The following DMRT1 variants were observed in gnomAD, a reference collection of about 807,000 sequenced individuals.
DMRT1 encodes doublesex and mab-3 related transcription factor 1.
Under a neutral mutation model 32.3 loss-of-function variants are expected in DMRT1, and 7 were observed. The observed-to-expected ratio is 0.22, with a 90% confidence interval of 0.12 to 0.41. The LOEUF (loss-of-function observed/expected upper bound fraction) is 0.41. Ranked by LOEUF, DMRT1 falls within the 10% of genes least tolerant of loss-of-function variation. DMRT1 has a pLI of 1.00. For missense variants in DMRT1, 625 were observed against 500.5 expected (o/e 1.25, Z -2.37); for synonymous variants, 278 against 206.1 (o/e 1.35, Z -2.99).
chr9:865,462 G>T (rs1386726100), intron 2 of DMRT1, among the ~76,000 whole-genome samples: 1 of 151,668 alleles, frequency 6.6e-6, no homozygotes, highest in East Asian at 1.9e-4. Flanking sequence ...AAATATATAT[G>T]ATATATATGA....
intron 4 of DMRT1, among the ~76,000 whole-genome samples, chr9:921,562 A>G (rs537594584): frequency 6.6e-6 from 1 of 152,262 alleles, no homozygotes; most frequent in African/African-American, 2.4e-5. Context: ...TTTGAGGAAC[A>G]TGTTACTGTT....
At chr9:906,807 A>G (rs1817792554) in intron 3 of DMRT1, among the ~76,000 whole-genome samples, 1 of 152,242 alleles carries the variant, frequency 6.6e-6, no homozygotes, top group Non-Finnish European at 1.5e-5. Flanking sequence ...TTCATTTAAA[A>G]TTAGAAAGTT....
chr9:865,156 A>T (rs1428298856), intron 2 of DMRT1, among the ~76,000 whole-genome samples: 1 of 152,176 alleles, frequency 6.6e-6, no homozygotes, highest in South Asian at 2.1e-4. Flanking sequence ...CCCTGAGAGA[A>T]TGGTATATGG....
At chr9:890,168 G>C (rs1313395381) in intron 2 of DMRT1, among the ~76,000 whole-genome samples, 1 of 134,524 alleles carries the variant, frequency 7.4e-6, no homozygotes, top group Admixed American at 8.8e-5. Context: ...GGCTCAGGCC[G>C]ACTGAGCTGA....
chr9:914,973 G>A (rs1389902919), intron 3 of DMRT1, among the ~76,000 whole-genome samples: 3 of 152,194 alleles, frequency 2.0e-5, no homozygotes, highest in Admixed American at 6.5e-5. Context: ...AGGAAGCCCA[G>A]TGCCTAATTT....
At chr9:843,701 G>T (rs2132535659) in intron 1 of DMRT1, among the ~76,000 whole-genome samples, 1 of 152,270 alleles carries the variant, frequency 6.6e-6, no homozygotes, top group Admixed American at 6.5e-5. Context: ...AAAATGAAAA[G>T]ATAACGAAGA....
intron 2 of DMRT1, among the ~76,000 whole-genome samples, chr9:859,949 ATAAAAATT>A (rs1815582381): frequency 6.6e-6 from 1 of 152,222 alleles, no homozygotes; most frequent in African/African-American, 2.4e-5. Flanking sequence ...TTCAGAACTT[ATAAAAATT>A]GCCGTTAACT....
chr9:962,902 G>A (rs1218993380), intron 4 of DMRT1, among the ~76,000 whole-genome samples: 3 of 152,034 alleles, frequency 2.0e-5, no homozygotes, highest in African/African-American at 7.2e-5. Context: ...TCAGACTCCC[G>A]GGCCAGTGCT....
intron 3 of DMRT1, among the ~76,000 whole-genome samples, chr9:898,402 A>G (rs1003421952): frequency 6.6e-6 from 1 of 152,180 alleles, no homozygotes; most frequent in South Asian, 2.1e-4. Context: ...TACAGGCATG[A>G]GTCACCGTGC....
intron 4 of DMRT1, among the ~76,000 whole-genome samples, chr9:931,414 A>G (rs1007421090): frequency 1.3e-5 from 2 of 152,256 alleles, no homozygotes; most frequent in African/African-American, 4.8e-5. Context: ...AATGTGGTGC[A>G]TATGGACATT....
intron 2 of DMRT1, among the ~76,000 whole-genome samples, chr9:893,089 T>TTTGTAA (rs377108497): frequency 0.072 from 10,980 of 152,202 alleles, 581 homozygotes; most frequent in East Asian, 0.14. Context: ...GTAGGTGGTA[T>TTTGTAA]TCCCTTCCCA....
chr9:899,699 T>G (rs1164801720), intron 3 of DMRT1, among the ~76,000 whole-genome samples: 3 of 152,256 alleles, frequency 2.0e-5, no homozygotes, highest in African/African-American at 7.2e-5. Flanking sequence ...TATTGCCTTG[T>G]GCACTCCTCC....
At chr9:847,994 A>G (rs1031523191) in intron 2 of DMRT1, among the ~76,000 whole-genome samples, 2 of 152,202 alleles carry the variant, frequency 1.3e-5, no homozygotes, top group African/African-American at 2.4e-5. Flanking sequence ...CTGGTCTAGA[A>G]TGTGGGAGCT....
At chr9:872,541 C>A (rs562836318) in intron 2 of DMRT1, among the ~76,000 whole-genome samples, 7 of 152,010 alleles carry the variant, frequency 4.6e-5, no homozygotes, top group Non-Finnish European at 7.3e-5. Context: ...ATAGGTTTGC[C>A]TATTCCAGAC....
chr9:844,500 T>A (rs963653686), intron 1 of DMRT1, among the ~76,000 whole-genome samples: 13 of 152,150 alleles, frequency 8.5e-5, no homozygotes, highest in Admixed American at 7.9e-4. Flanking sequence ...GATTCATTGA[T>A]GTTCTCTTTC....
intron 2 of DMRT1, among the ~76,000 whole-genome samples, chr9:867,696 C>T (rs554111377): frequency 2.6e-4 from 39 of 152,312 alleles, no homozygotes; most frequent in African/African-American, 9.1e-4. Flanking sequence ...TGCCCTACAT[C>T]GGGCTCCATT....
chr9:881,318 G>A (rs1816728199), intron 2 of DMRT1, among the ~76,000 whole-genome samples: 1 of 152,146 alleles, frequency 6.6e-6, no homozygotes, highest in Non-Finnish European at 1.5e-5. Flanking sequence ...TGAGTTGAAC[G>A]GAAGCTATGT....
chr9:931,803 T>C (rs376657510), intron 4 of DMRT1, among the ~76,000 whole-genome samples: 2 of 152,188 alleles, frequency 1.3e-5, no homozygotes, highest in Non-Finnish European at 1.5e-5. Context: ...TACAGTCACA[T>C]TGGGAGCTAG....
In DMRT1 at chr9:847,119, A is replaced by G. The variant is rs1838941348; in HGVS notation, c.514A>G (p.Ser172Gly). 1 of 1,613,278 alleles carries G rather than the reference A, an allele frequency of 6.2e-7. No individual in the cohort carries two copies. The highest frequency in any genetic ancestry group is 2.2e-5 in the East Asian group (1 of 44,872). The change falls in exon 2 of 5, where the codon AGT (serine) becomes GGT (glycine). Residue 172 changes from serine (S) to glycine (G), a missense_variant. By Grantham distance (56) the Ser-to-Gly change is moderately conservative (BLOSUM62 0). Around this residue, in one of 3 missense-constraint regions of DMRT1, gnomAD observed 416 missense variants for 321.6 expected, o/e 1.29. Coordinates refer to ENST00000382276, the MANE Select transcript of DMRT1 (RefSeq NM_021951.3). ...CSGTSQPPPA[S>G]VPTTAASEGR... ...TGGCACCTCTCAGCCACCGCCGGCC[A>G]GTGTCCCCACCACTGCAGCTTCAGG...
Sources: gnomAD v4.1 joint callset for allele counts (sites outside exome capture counted in the v4.1 genomes callset) on GRCh38, gnomAD v4.1.1 for gene constraint, gnomAD v4.1.1 regional missense constraint, MANE v1.5 for transcripts, NCBI Gene and HGNC (gene_info 2026-07-23, HGNC 2026-07-21) for gene names.